Variants in ZNF536 observed in about 807,000 individuals in gnomAD.
ZNF536 encodes the protein zinc finger protein 536.
In ZNF536, 13 loss-of-function variants were observed where a neutral mutation model predicts 84.5. The ratio of observed to expected loss-of-function variants is 0.15; its 90% confidence interval spans 0.10 to 0.24. ZNF536 has a LOEUF of 0.24. Among genes scored for constraint, ZNF536 ranks in the 10% least tolerant of loss-of-function variants. The pLI is 1.00. For synonymous variants in ZNF536, 811 were observed against 742.5 expected (o/e 1.09, Z -1.50); for missense variants, 1,536 against 1,747.5 (o/e 0.88, Z 2.16).
At chr19:30,611,415 G>T (rs1340040718) in intron 1 of ZNF536, among the ~76,000 whole-genome samples, 1 of 152,094 alleles carries the variant, frequency 6.6e-6, no homozygotes, top group Non-Finnish European at 1.5e-5. Context: ...TTATTATATT[G>T]CATTAAAACC....
intron 1 of ZNF536, among the ~76,000 whole-genome samples, chr19:30,601,472 G>T (rs1026052178): frequency 6.6e-6 from 1 of 152,174 alleles, no homozygotes; most frequent in African/African-American, 2.4e-5. Flanking sequence ...AGGTCTCTGG[G>T]CTACGCTAGG....
chr19:30,232,920 G>GAGAA lies in ZNF536; in HGVS notation c.-190+4248_-190+4251dup. ...CAGACATTTCTATATCTCCCTTGGG[G>GAGAA]AGAATCAAGCTTATTTCCCACACTT... On this transcript the variant is annotated intron_variant, in intron 1 of 5. Transcript: ENST00000585628. Among the ~76,000 whole-genome samples the GAGAA allele has an allele frequency of 3.3e-5, 5 of 152,328 alleles. No homozygotes were observed. In the Middle Eastern group the frequency reaches 0.017, roughly 518 times the overall value.
intron 2 of ZNF536, among the ~76,000 whole-genome samples, chr19:30,472,091 A>G (rs1198597845): frequency 1.3e-5 from 2 of 152,232 alleles, no homozygotes; most frequent in African/African-American, 4.8e-5. Flanking sequence ...ATACCTGCGG[A>G]AGCAGAGTCC....
intron 2 of ZNF536, among the ~76,000 whole-genome samples, chr19:30,347,142 A>G (rs1345700718): frequency 6.8e-6 from 1 of 147,872 alleles, no homozygotes; most frequent in Non-Finnish European, 1.5e-5. Flanking sequence ...GGCCGCATGT[A>G]TGCCTTCTTT....
intron 1 of ZNF536, among the ~76,000 whole-genome samples, chr19:30,415,307 T>TTCC (rs1411125444): frequency 5.1e-5 from 7 of 138,518 alleles, no homozygotes; most frequent in Non-Finnish European, 1.1e-4. Flanking sequence ...CTTCTTCTTC[T>TTCC]CCTTCTCCTT....
At chr19:30,324,284 A>G (rs919089506) in intron 2 of ZNF536, among the ~76,000 whole-genome samples, 13 of 152,052 alleles carry the variant, frequency 8.5e-5, no homozygotes, top group African/African-American at 3.1e-4. Context: ...TCCATCATCA[A>G]TTTTTTTATC....
intron 2 of ZNF536, among the ~76,000 whole-genome samples, chr19:30,291,339 G>A (rs375186572): frequency 6.6e-6 from 1 of 152,074 alleles, no homozygotes; most frequent in African/African-American, 2.4e-5. Context: ...CCACAGCCTC[G>A]CCAGCATCTG....
intron 1 of ZNF536, among the ~76,000 whole-genome samples, chr19:30,683,178 G>T (rs564159791): frequency 4.9e-4 from 74 of 152,304 alleles, no homozygotes; most frequent in African/African-American, 1.6e-3. Flanking sequence ...CTGCGAGGCA[G>T]GGTTGAAAGC....
intron 2 of ZNF536, among the ~76,000 whole-genome samples, chr19:30,469,237 A>C (rs10422135): frequency 0.34 from 51,076 of 151,968 alleles, 11,278 homozygotes; most frequent in African/African-American, 0.62. Flanking sequence ...ACATGGTGAA[A>C]CCCCATCTCT....
At chr19:30,608,357 C>T (rs975497133) in intron 1 of ZNF536, among the ~76,000 whole-genome samples, 22 of 152,056 alleles carry the variant, frequency 1.4e-4, no homozygotes, top group Non-Finnish European at 3.2e-4. Flanking sequence ...GTAAACACTT[C>T]TTGGGATAAT....
intron 1 of ZNF536, among the ~76,000 whole-genome samples, chr19:30,282,255 G>A (rs2045473290): frequency 6.6e-6 from 1 of 152,246 alleles, no homozygotes; most frequent in Admixed American, 6.5e-5. Flanking sequence ...GGCGTGTTGG[G>A]CTAACCTTGC....
At chr19:30,607,143 T>C (rs574028875) in intron 1 of ZNF536, among the ~76,000 whole-genome samples, 2 of 152,352 alleles carry the variant, frequency 1.3e-5, no homozygotes, top group African/African-American at 2.4e-5. Context: ...CTCTTCGACG[T>C]AGATTTTTGT....
Position 30,478,930 on chromosome 19 carries a change from C to T in ZNF536, c.2170+33198C>T, listed in dbSNP as rs987337582. 2.0e-5 allele frequency among the ~76,000 whole-genome samples: 3 copies of T among 152,180 alleles called. No homozygotes were observed. The South Asian group carries it at 6.2e-4, about 32-fold the overall frequency. On this transcript the variant is annotated intron_variant, in intron 2 of 4. Transcript: ENST00000355537. ...CCTCTCCTTTTGGAAACTCATCCTT[C>T]CGAGGCCATTTTTGCCTGTCTGGGG...
At chr19:30,457,041 C>A (rs371266237) in intron 2 of ZNF536, among the ~76,000 whole-genome samples, 238 of 117,624 alleles carry the variant, frequency 2.0e-3, no homozygotes, top group Middle Eastern at 4.5e-3. Context: ...GACTTCATCT[C>A]AAAAAAAAAA....
Position 30,372,423 on chromosome 19 carries a change from C to T in ZNF536, c.-136C>T, listed in dbSNP as rs965046662. 1 of 152,210 alleles carries T rather than the reference C, an allele frequency of 6.6e-6. No individual in the cohort carries two copies. Among genetic ancestry groups the T allele is most frequent in the Non-Finnish European group, 1.5e-5 (1 of 68,056 alleles). The allele number at this position is 152,210 out of a possible 1,614,324, so 9.4% of individuals were successfully genotyped here. A position where few individuals can be genotyped will look rare whatever the true frequency, so the allele number is the denominator to read the frequency against. ...CAGCTTTGGAACAGGGGAGGTGAGTCTGGAGAAGAGAGTTTCCACGTTGTC... is the reference window on the plus strand; with the variant it reads ...CAGCTTTGGAACAGGGGAGGTGAGTTTGGAGAAGAGAGTTTCCACGTTGTC... On this transcript the variant is annotated 5_prime_UTR_variant, in exon 1 of 5. Coordinates refer to ENST00000355537, the MANE Select transcript of ZNF536 (RefSeq NM_014717.3).
chr19:30,233,134 A>G (rs1360602534), intron 1 of ZNF536, among the ~76,000 whole-genome samples: 2 of 145,764 alleles, frequency 1.4e-5, no homozygotes, highest in African/African-American at 5.0e-5. Flanking sequence ...TTCCACATGG[A>G]TGAATTGTAT....
chr19:30,635,469 G>C (rs1323179931), intron 1 of ZNF536, among the ~76,000 whole-genome samples: 1 of 152,152 alleles, frequency 6.6e-6, no homozygotes, highest in Non-Finnish European at 1.5e-5. Context: ...CTCCCTGCCT[G>C]AGCCAGGGCT....
At chr19:30,591,617 G>T (rs946768459) in intron 1 of ZNF536, among the ~76,000 whole-genome samples, 1 of 152,124 alleles carries the variant, frequency 6.6e-6, no homozygotes, top group Non-Finnish European at 1.5e-5. Context: ...TTTGGGTGGG[G>T]ACACAGCCAA....
chr19:30,529,105 C>T (rs1390945058), intron 2 of ZNF536, among the ~76,000 whole-genome samples: 1 of 151,984 alleles, frequency 6.6e-6, no homozygotes, highest in African/African-American at 2.4e-5. Flanking sequence ...GATTCTGCCT[C>T]CTAACGCCTG....
Sources: allele counts gnomAD v4.1 joint callset (sites outside exome capture counted in the v4.1 genomes callset), GRCh38; gene constraint gnomAD v4.1.1; transcripts MANE v1.5; gene names NCBI Gene and HGNC (gene_info 2026-07-23, HGNC 2026-07-21).